The following DLG2 variants were observed in gnomAD, a reference collection of about 807,000 sequenced individuals.
The protein encoded by DLG2 is disks large homolog 2.
DLG2 carries 45 observed loss-of-function variants against 132.5 expected under a neutral mutation model. The observed-to-expected ratio is 0.34, with a 90% CI of 0.27 to 0.44. The LOEUF is 0.44. Ranked by LOEUF, DLG2 falls within the 20% of genes least tolerant of loss-of-function variation. The pLI, the probability that DLG2 is intolerant of heterozygous loss-of-function variation, is 1.00. For missense variants in DLG2, 1,045 were observed against 1,196.9 expected (o/e 0.87, Z 1.87); for synonymous variants, 424 against 419.6 (o/e 1.01, Z -0.13).
intron 17 of DLG2, among the ~76,000 whole-genome samples, chr11:83,794,524 C>T (rs965335717): frequency 3.4e-5 from 5 of 146,720 alleles, no homozygotes; most frequent in Non-Finnish European, 6.0e-5. Context: ...TTAGAGTCCT[C>T]TCCTCTCCAA....
At chr11:85,496,398 T>A (rs1236582795) in intron 3 of DLG2, among the ~76,000 whole-genome samples, 1 of 152,070 alleles carries the variant, frequency 6.6e-6, no homozygotes, top group East Asian at 1.9e-4. Flanking sequence ...ATGCTCACAA[T>A]GTAACAAAGT....
At chr11:84,193,832 T>G (rs1226504458) in intron 8 of DLG2, among the ~76,000 whole-genome samples, 2 of 152,184 alleles carry the variant, frequency 1.3e-5, no homozygotes, top group Non-Finnish European at 2.9e-5. Flanking sequence ...AACTTTTGGA[T>G]TTTTTATGAA....
chr11:84,026,446 G>A (rs1008633238), intron 11 of DLG2, among the ~76,000 whole-genome samples: 14 of 152,148 alleles, frequency 9.2e-5, no homozygotes, highest in African/African-American at 3.1e-4. Flanking sequence ...AGAGACTTCA[G>A]GACTTGCATA....
At chr11:84,165,704 C>T (rs2095646031) in intron 8 of DLG2, among the ~76,000 whole-genome samples, 1 of 152,046 alleles carries the variant, frequency 6.6e-6, no homozygotes, top group Non-Finnish European at 1.5e-5. Context: ...TCGAGACCAG[C>T]CTGGCCAATA....
intron 17 of DLG2, chr11:83,790,098 A>T: frequency 1.0e-6 from 1 of 987,516 alleles, no homozygotes. Context: ...ACCTGCATGA[A>T]CCGAGACACT....
Position 85,423,399 on chromosome 11 carries a change from G to A in DLG2, c.41-138034C>T, listed in dbSNP as rs997820116. 3.3e-5 allele frequency among the ~76,000 whole-genome samples: 5 copies of A among 152,178 alleles called. No homozygotes were observed. The South Asian group carries it at 8.3e-4, about 25-fold the overall frequency. On this transcript the variant is annotated intron_variant, in intron 3 of 27. Coordinates refer to ENST00000376104, the MANE Select transcript of DLG2 (RefSeq NM_001142699.3). ...GTGGTTTAATGCACTATATTTTGCT[G>A]GTTGGCCTCCTGCCAGGAGGTTGAG...
chr11:83,883,512 C>A (rs1215812786), intron 15 of DLG2, among the ~76,000 whole-genome samples: 8 of 152,162 alleles, frequency 5.3e-5, no homozygotes, highest in Admixed American at 3.9e-4. Flanking sequence ...CTGAGAGACT[C>A]TGAGAGTACA....
intron 6 of DLG2, among the ~76,000 whole-genome samples, chr11:84,699,908 G>C (rs919121083): frequency 6.6e-6 from 1 of 151,476 alleles, no homozygotes; most frequent in African/African-American, 2.4e-5. Context: ...CAACAACTTT[G>C]GGTCAAATGT....
At chr11:84,536,249 A>C (rs1325705382) in intron 6 of DLG2, among the ~76,000 whole-genome samples, 1 of 152,200 alleles carries the variant, frequency 6.6e-6, no homozygotes, top group Non-Finnish European at 1.5e-5. Context: ...TAACACTCCA[A>C]GAAGTTAAGG....
chr11:84,801,036 T>C (rs2075305984), intron 6 of DLG2, among the ~76,000 whole-genome samples: 1 of 152,180 alleles, frequency 6.6e-6, no homozygotes, highest in Non-Finnish European at 1.5e-5. Context: ...CTGGATTTTA[T>C]GTGCAAGTTT....
In DLG2 at chr11:83,469,178, T is replaced by C. The variant is rs1372375036; in HGVS notation, c.2619+23A>G. On this transcript the variant is annotated intron_variant, in intron 25 of 27. Transcript: ENST00000376104. ...ACCTAGAAACCTTCTTCAGGGGAGG[T>C]GTAAGAAGATTGGTGAACATACTCT... 3 of 1,544,566 alleles carry C rather than the reference T, an allele frequency of 1.9e-6. No homozygotes were observed. In the South Asian group the frequency reaches 3.7e-5, roughly 19 times the overall value.
Position 85,418,098 on chromosome 11 carries a change from T to C in DLG2, c.41-132733A>G, listed in dbSNP as rs151330970. 3.1e-3 allele frequency among the ~76,000 whole-genome samples: 465 copies of C among 152,224 alleles called. 1 individual carries two copies. The highest frequency in any genetic ancestry group is 0.011 in the African/African-American group (448 of 41,574). The stretch of plus-strand genomic sequence containing the variant: ...TTAGTGCTATAAATTTCCCCCTAAA[T>C]ACTGCTTTACCTGTGTCCCAGAGAT... On this transcript the variant is annotated intron_variant, in intron 3 of 27. Transcript: ENST00000376104.
At chr11:85,262,865 TC>T (rs1233849684) in intron 4 of DLG2, among the ~76,000 whole-genome samples, 2 of 152,142 alleles carry the variant, frequency 1.3e-5, no homozygotes, top group Admixed American at 1.3e-4. Flanking sequence ...CCTCATTTGG[TC>T]CGGGAACAGC....
intron 3 of DLG2, among the ~76,000 whole-genome samples, chr11:85,463,167 A>T (rs144204361): frequency 3.2e-4 from 49 of 152,350 alleles, no homozygotes; most frequent in Non-Finnish European, 2.2e-4. Context: ...ATATTCCCTA[A>T]GATGGGGAAT....
At chr11:85,406,482 T>A (rs1597032702) in intron 3 of DLG2, among the ~76,000 whole-genome samples, 1 of 151,092 alleles carries the variant, frequency 6.6e-6, no homozygotes, top group African/African-American at 2.4e-5. Context: ...TGAATTCTGT[T>A]AAATCTAAGC....
At chr11:85,309,743 T>A (rs2080195001) in intron 3 of DLG2, among the ~76,000 whole-genome samples, 1 of 152,132 alleles carries the variant, frequency 6.6e-6, no homozygotes, top group African/African-American at 2.4e-5. Context: ...TGTACTGTTC[T>A]CTCCACCTGA....
chr11:84,527,202 C>T (rs1404651936), intron 7 of DLG2, among the ~76,000 whole-genome samples: 2 of 152,182 alleles, frequency 1.3e-5, no homozygotes, highest in Non-Finnish European at 2.9e-5. Context: ...GATGCACTAA[C>T]TCCTTGTGCC....
intron 3 of DLG2, among the ~76,000 whole-genome samples, chr11:85,432,118 G>T (rs1030881036): frequency 1.3e-5 from 2 of 152,098 alleles, no homozygotes; most frequent in Non-Finnish European, 2.9e-5. Flanking sequence ...CAAACAGAAA[G>T]CAACAACAAT....
chr11:83,766,667 T>G (rs2094160305), intron 18 of DLG2, among the ~76,000 whole-genome samples: 1 of 152,216 alleles, frequency 6.6e-6, no homozygotes, highest in South Asian at 2.1e-4. Context: ...ATGCTTTTGT[T>G]TGCTATTGTC....
Sources: gnomAD v4.1 joint callset for allele counts (sites outside exome capture counted in the v4.1 genomes callset) on GRCh38, gnomAD v4.1.1 for gene constraint, MANE v1.5 for transcripts, NCBI Gene and HGNC (gene_info 2026-07-23, HGNC 2026-07-21) for gene names.